Variants in SBF2 observed in about 807,000 individuals in gnomAD.
SBF2 encodes SET binding factor 2, also known as myotubularin-related protein 13.
In SBF2, 112 loss-of-function variants were observed where a neutral mutation model predicts 225.2. The observed-to-expected ratio is 0.50, with a 90% CI of 0.43 to 0.58. The LOEUF (loss-of-function observed/expected upper bound fraction) is 0.58, where lower values mean the gene tolerates loss of function less well. Among genes scored for constraint, SBF2 ranks in the 20% least tolerant of loss-of-function variants. The pLI is 0.00. For missense variants in SBF2, 1,996 were observed against 2,206.2 expected (o/e 0.90, Z 1.91); for synonymous variants, 763 against 773.3 (o/e 0.99, Z 0.22).
intron 16 of SBF2, among the ~76,000 whole-genome samples, chr11:9,953,882 T>C (rs954215499): frequency 9.9e-5 from 15 of 152,150 alleles, no homozygotes. Flanking sequence ...TTTAACATAA[T>C]GCTGGACATA....
At chr11:10,273,486 C>A (rs938591046) in intron 1 of SBF2, among the ~76,000 whole-genome samples, 1 of 152,066 alleles carries the variant, frequency 6.6e-6, no homozygotes, top group South Asian at 2.1e-4. Context: ...ACTTATTTTT[C>A]TTTTAGAAGA....
chr11:9,882,176 A>G (rs1430532226), intron 17 of SBF2, among the ~76,000 whole-genome samples: 1 of 152,218 alleles, frequency 6.6e-6, no homozygotes, highest in Non-Finnish European at 1.5e-5. Context: ...CAAAAATGCA[A>G]GCAGTCACCA....
At chr11:9,883,111 G>T (rs1859962412) in intron 17 of SBF2, among the ~76,000 whole-genome samples, 1 of 152,048 alleles carries the variant, frequency 6.6e-6, no homozygotes, top group Admixed American at 6.6e-5. Flanking sequence ...TCCAGTCTGG[G>T]CGACAGAGCG....
intron 5 of SBF2, among the ~76,000 whole-genome samples, chr11:10,028,954 G>A (rs1018273365): frequency 6.6e-6 from 1 of 152,064 alleles, no homozygotes; most frequent in African/African-American, 2.4e-5. Flanking sequence ...GAGAGCAAGA[G>A]AGACAGAGAA....
intron 6 of SBF2, among the ~76,000 whole-genome samples, chr11:10,011,773 T>G (rs1314028053): frequency 6.6e-6 from 1 of 152,226 alleles, no homozygotes; most frequent in Admixed American, 6.5e-5. Flanking sequence ...TTTCTCTTGC[T>G]GTTCTCAAGG....
At chr11:10,204,231 T>C (rs1170408757) in intron 1 of SBF2, among the ~76,000 whole-genome samples, 1 of 114,510 alleles carries the variant, frequency 8.7e-6, no homozygotes, top group Admixed American at 8.8e-5. Flanking sequence ...ATCTTTAAAA[T>C]ACTGAAAGCA....
In SBF2 at chr11:9,799,088, T is replaced by C. The variant is rs571231021; in HGVS notation, c.4444-3131A>G. 3.3e-5 allele frequency among the ~76,000 whole-genome samples: 5 copies of C among 152,336 alleles called. No individual in the cohort carries two copies. The South Asian group carries it at 1.0e-3, about 32-fold the overall frequency. ...GTATCTTTTCTTGATGATTCTGACA[T>C]TTAATCTACTCAGGAATACAATTTT... On this transcript the variant is annotated intron_variant, in intron 32 of 39. Transcript: ENST00000256190.
At chr11:10,151,548 T>C (rs1463095006) in intron 2 of SBF2, among the ~76,000 whole-genome samples, 1 of 152,226 alleles carries the variant, frequency 6.6e-6, no homozygotes, top group Non-Finnish European at 1.5e-5. Context: ...CTCCAACTAG[T>C]TGACAAATGT....
chr11:10,153,964 C>T (rs1159753997), intron 2 of SBF2, among the ~76,000 whole-genome samples: 10 of 151,824 alleles, frequency 6.6e-5, no homozygotes, highest in Admixed American at 3.9e-4. Context: ...TTTTAAAAAT[C>T]GGTTGTCCAT....
intron 16 of SBF2, among the ~76,000 whole-genome samples, chr11:9,948,077 A>G (rs1199101130): frequency 6.6e-6 from 1 of 152,088 alleles, no homozygotes; most frequent in Non-Finnish European, 1.5e-5. Context: ...AACATGGTAT[A>G]TACATACAAT....
chr11:10,000,890 G>A, intron 8 of SBF2, 24 bp downstream of exon 8: 1 of 1,249,218 alleles, frequency 8.0e-7, no homozygotes, highest in African/African-American at 1.5e-5. Context: ...TCAATAACTG[G>A]AAACTTTAAA....
At chr11:10,287,990 C>T (rs1269419648) in intron 1 of SBF2, among the ~76,000 whole-genome samples, 1 of 152,192 alleles carries the variant, frequency 6.6e-6, no homozygotes, top group Non-Finnish European at 1.5e-5. Flanking sequence ...CAGCTCTCTG[C>T]GAGGCTGTGG....
intron 2 of SBF2, among the ~76,000 whole-genome samples, chr11:10,092,241 T>G (rs78956933): frequency 6.6e-6 from 1 of 152,174 alleles, no homozygotes; most frequent in Admixed American, 6.5e-5. Flanking sequence ...GAAAGATCCA[T>G]CATTTGGCAA....
intron 2 of SBF2, among the ~76,000 whole-genome samples, chr11:10,105,647 C>T (rs1183579865): frequency 2.0e-5 from 3 of 152,180 alleles, no homozygotes; most frequent in Non-Finnish European, 4.4e-5. Flanking sequence ...GGCCATTTCA[C>T]TAACATATGC....
At chr11:9,883,799 T>G (rs1860025880) in intron 17 of SBF2, among the ~76,000 whole-genome samples, 1 of 152,136 alleles carries the variant, frequency 6.6e-6, no homozygotes, top group African/African-American at 2.4e-5. Flanking sequence ...GTATCCCTCA[T>G]TTTTCATTAA....
At chr11:10,143,637 C>G (rs1393949972) in intron 2 of SBF2, among the ~76,000 whole-genome samples, 2 of 152,058 alleles carry the variant, frequency 1.3e-5, no homozygotes, top group Non-Finnish European at 2.9e-5. Context: ...TCATGTCTCC[C>G]TAAATTGATC....
intron 6 of SBF2, among the ~76,000 whole-genome samples, chr11:10,007,031 G>A (rs1354548760): frequency 6.6e-6 from 1 of 152,180 alleles, no homozygotes; most frequent in Non-Finnish European, 1.5e-5. Context: ...CGGGTTAACA[G>A]ATTATCATTA....
chr11:10,229,999 G>A (rs1278052430), intron 1 of SBF2, among the ~76,000 whole-genome samples: 1 of 152,110 alleles, frequency 6.6e-6, no homozygotes, highest in Non-Finnish European at 1.5e-5. Context: ...GGGTGCTCCT[G>A]TATTGGGTGC....
At chr11:9,898,017 G>T (rs1847788592) in intron 16 of SBF2, among the ~76,000 whole-genome samples, 1 of 152,192 alleles carries the variant, frequency 6.6e-6, no homozygotes, top group African/African-American at 2.4e-5. Flanking sequence ...AAGGCTTAGA[G>T]CTGCCTAAGT....
Sources: gnomAD v4.1 joint callset for allele counts (sites outside exome capture counted in the v4.1 genomes callset) on GRCh38, gnomAD v4.1.1 for gene constraint, MANE v1.5 for transcripts, NCBI Gene and HGNC (gene_info 2026-07-23, HGNC 2026-07-21) for gene names.